The following INPP5D variants were observed in gnomAD, a reference collection of about 807,000 sequenced individuals.
INPP5D encodes phosphatidylinositol 3,4,5-trisphosphate 5-phosphatase 1.
Under a neutral mutation model 122.9 loss-of-function variants are expected in INPP5D, and 33 were observed. That is an observed-to-expected ratio of 0.27 (90% CI 0.20 to 0.36). The LOEUF (loss-of-function observed/expected upper bound fraction) is 0.36. Ranked by LOEUF, INPP5D falls within the 10% of genes least tolerant of loss-of-function variation. The pLI is 1.00. For synonymous variants in INPP5D, 584 were observed against 576.2 expected (o/e 1.01, Z -0.19); for missense variants, 1,053 against 1,412.7 (o/e 0.75, Z 4.08).
chr2:233,077,340 T>C (rs1419552054), intron 1 of INPP5D, among the ~76,000 whole-genome samples: 1 of 152,150 alleles, frequency 6.6e-6, no homozygotes, highest in Non-Finnish European at 1.5e-5. Context: ...ATTTCATTTT[T>C]TAAAGTTAGT....
In INPP5D at chr2:233,186,500, C is replaced by G. The variant is rs572906214; in HGVS notation, c.2358+575C>G. Reference sequence around the variant, plus strand: ...CTTAGTGGGAACACATTCTTCTTTGCTATAGAAAAAATGGTTTTCTGGCCT... The same window carrying G: ...CTTAGTGGGAACACATTCTTCTTTGGTATAGAAAAAATGGTTTTCTGGCCT... On this transcript the variant is annotated intron_variant, in intron 21 of 26. Transcript: ENST00000445964. Among the ~76,000 whole-genome samples, 14 of 151,950 alleles carry G rather than the reference C, an allele frequency of 9.2e-5. No homozygotes were observed. The East Asian group carries it at 2.3e-3, about 25-fold the overall frequency.
chr2:233,125,221 TG>T (rs923208970), intron 3 of INPP5D, among the ~76,000 whole-genome samples: 7 of 152,176 alleles, frequency 4.6e-5, no homozygotes, highest in African/African-American at 1.7e-4. Context: ...TCTGAGAGTC[TG>T]GGGGAGGAGA....
At chr2:233,113,802 C>T (rs529180170) in intron 2 of INPP5D, among the ~76,000 whole-genome samples, 5 of 152,334 alleles carry the variant, frequency 3.3e-5, no homozygotes, top group South Asian at 2.1e-4. Flanking sequence ...GTTGCTTGGA[C>T]GCCCAGCGTC....
chr2:233,117,580 C>A (rs1692838453), intron 2 of INPP5D, among the ~76,000 whole-genome samples: 1 of 152,190 alleles, frequency 6.6e-6, no homozygotes, highest in Non-Finnish European at 1.5e-5. Flanking sequence ...GCACCTGCTT[C>A]TTGCCTGTGA....
At chr2:233,095,561 C>T (rs6740376) in intron 2 of INPP5D, among the ~76,000 whole-genome samples, 106,306 of 148,084 alleles carry the variant, frequency 0.72, 37,764 homozygotes, top group Middle Eastern at 0.81. Flanking sequence ...AGGCAGAGGT[C>T]GCAGTGAACC....
intron 2 of INPP5D, among the ~76,000 whole-genome samples, chr2:233,114,119 A>G (rs1056366002): frequency 2.6e-5 from 4 of 152,154 alleles, no homozygotes; most frequent in Non-Finnish European, 4.4e-5. Flanking sequence ...TGTGTTAGCC[A>G]GGATGGTCTC....
chr2:233,193,151 A>G (rs1695096880), intron 22 of INPP5D, among the ~76,000 whole-genome samples: 1 of 152,220 alleles, frequency 6.6e-6, no homozygotes, highest in South Asian at 2.1e-4. Flanking sequence ...GGCCTCCCAA[A>G]GTGCTGGGAT....
chr2:233,106,967 G>A (rs1407579348), intron 2 of INPP5D, among the ~76,000 whole-genome samples: 1 of 152,218 alleles, frequency 6.6e-6, no homozygotes, highest in Non-Finnish European at 1.5e-5. Flanking sequence ...CCTTTGATGT[G>A]AGGGGTTCAA....
At chr2:233,125,399 T>C (rs1451602539) in intron 3 of INPP5D, among the ~76,000 whole-genome samples, 1 of 152,220 alleles carries the variant, frequency 6.6e-6, no homozygotes, top group Non-Finnish European at 1.5e-5. Flanking sequence ...GACAGGTGTC[T>C]CAGCCCCTGA....
chr2:233,094,892 T>C (rs1460466232), intron 2 of INPP5D, among the ~76,000 whole-genome samples: 1 of 152,212 alleles, frequency 6.6e-6, no homozygotes, highest in African/African-American at 2.4e-5. Flanking sequence ...CCGTAATGTC[T>C]GGGTGCAGTG....
At chr2:233,124,733 T>C (rs1207315826) in intron 3 of INPP5D, among the ~76,000 whole-genome samples, 2 of 152,232 alleles carry the variant, frequency 1.3e-5, no homozygotes, top group Non-Finnish European at 2.9e-5. Flanking sequence ...CCTCTGGGCA[T>C]GGCTGTCTGG....
At chr2:233,187,984 AGCC>A (rs1419541184) in intron 21 of INPP5D, among the ~76,000 whole-genome samples, 3 of 151,752 alleles carry the variant, frequency 2.0e-5, no homozygotes, top group Non-Finnish European at 4.4e-5. Context: ...ACATCCTCAC[AGCC>A]GCCAAGTCCT....
chr2:233,088,617 AGATGGT>A (rs1273769036), intron 2 of INPP5D, among the ~76,000 whole-genome samples: 2 of 152,194 alleles, frequency 1.3e-5, no homozygotes, highest in African/African-American at 2.4e-5. Flanking sequence ...GGACTAAAAG[AGATGGT>A]TTATGTAAAC....
chr2:233,115,017 G>A (rs957434979), intron 2 of INPP5D, among the ~76,000 whole-genome samples: 25 of 152,060 alleles, frequency 1.6e-4, no homozygotes, highest in Non-Finnish European at 1.9e-4. Flanking sequence ...ACAGGCATGT[G>A]CCACCGCGCC....
At chr2:233,151,313 T>TTAA (rs976650467) in intron 9 of INPP5D, among the ~76,000 whole-genome samples, 12 of 109,136 alleles carry the variant, frequency 1.1e-4, no homozygotes, top group East Asian at 3.5e-4. Flanking sequence ...TCTCTAAAAA[T>TTAA]TAATAATAAT....
chr2:233,194,291 G>A (rs1018473162), intron 23 of INPP5D, among the ~76,000 whole-genome samples: 25 of 152,046 alleles, frequency 1.6e-4, no homozygotes, highest in Non-Finnish European at 1.0e-4. Flanking sequence ...GCGAACCTAC[G>A]TCTTGTTAAA....
At chr2:233,077,809 G>A (rs886497718) in intron 1 of INPP5D, among the ~76,000 whole-genome samples, 15 of 150,744 alleles carry the variant, frequency 1.0e-4, no homozygotes, top group African/African-American at 2.2e-4. Context: ...GCAGTGAGCC[G>A]AGATCGTGCC....
intron 14 of INPP5D, 132 bp downstream of exon 14, chr2:233,169,533 GC>G (rs1295231019): frequency 7.3e-7 from 1 of 1,378,564 alleles, no homozygotes; most frequent in Non-Finnish European, 9.8e-7. Flanking sequence ...GCCTTTCAGG[GC>G]CCACCACAGT....
At chr2:233,150,508 G>C (rs997549296) in intron 9 of INPP5D, among the ~76,000 whole-genome samples, 49 of 127,662 alleles carry the variant, frequency 3.8e-4, no homozygotes, top group African/African-American at 1.2e-3. Flanking sequence ...CTGTTAAGGA[G>C]AGAGGGGTGG....
Sources: allele counts gnomAD v4.1 joint callset (sites outside exome capture counted in the v4.1 genomes callset), GRCh38; gene constraint gnomAD v4.1.1; transcripts MANE v1.5; gene names NCBI Gene and HGNC (gene_info 2026-07-23, HGNC 2026-07-21).